Variants in DUSP29 observed in about 807,000 individuals in gnomAD.
DUSP29 encodes the protein dual specificity phosphatase 29, also known as atypical dual-specific protein phosphatase.
A neutral mutation model predicts 13.5 loss-of-function variants in DUSP29; 12 were observed. That is an observed-to-expected ratio of 0.89 (90% CI 0.57 to 1.44). DUSP29 has a LOEUF of 1.44. Ranked by LOEUF, DUSP29 falls within the 40% of genes most tolerant of loss-of-function variation. DUSP29 has a pLI of 0.00. For missense variants in DUSP29, 308 were observed against 301.1 expected (o/e 1.02, Z -0.17); for synonymous variants, 134 against 128.7 (o/e 1.04, Z -0.28).
chr10:75,043,949 CCGTGGGCCGCGTTCAGCACGTG>C lies in DUSP29; in HGVS notation c.247_268del (p.His83AlafsTer47). ...GGGCCCAGTGTCCACGTTCCAGCGG[CCGTGGGCCGCGTTCAGCACGTG>C]CGTGAACCCCGCCTTCTGCAGCCTA... is the stretch of plus-strand genomic sequence containing the variant. On this transcript the variant is annotated frameshift_variant, in exon 3 of 4. Coordinates refer to ENST00000338487, the MANE Select transcript of DUSP29 (RefSeq NM_001003892.3). LOFTEE classifies it high-confidence loss of function. 1 of 1,613,572 alleles carries C rather than the reference CCGTGGGCCGCGTTCAGCACGTG, an allele frequency of 6.2e-7. No homozygotes were observed.
chr10:75,046,845 T>A (rs1158763822), intron 2 of DUSP29, among the ~76,000 whole-genome samples: 1 of 152,238 alleles, frequency 6.6e-6, no homozygotes, highest in African/African-American at 2.4e-5. Flanking sequence ...TCTTGCTGAG[T>A]AGCAATCAAC....
At chr10:75,058,195 T>A (rs1847004587) in intron 2 of DUSP29, 120 bp downstream of exon 2, 2 of 1,206,568 alleles carry the variant, frequency 1.7e-6, no homozygotes, top group Admixed American at 2.6e-5. Flanking sequence ...CAGCCCTAAC[T>A]AATTGAGTTC....
chr10:75,043,408 G>A (rs1846626893), intron 3 of DUSP29, among the ~76,000 whole-genome samples: 1 of 152,238 alleles, frequency 6.6e-6, no homozygotes, highest in Non-Finnish European at 1.5e-5. Context: ...TTTGAAGGAT[G>A]GCAAATGTTC....
intron 2 of DUSP29, among the ~76,000 whole-genome samples, chr10:75,045,800 C>A (rs2134284795): frequency 6.6e-6 from 1 of 152,292 alleles, no homozygotes; most frequent in Middle Eastern, 3.4e-3. Context: ...AAGAAGTAAG[C>A]ATTGTTTACT....
chr10:75,070,518 G>A (rs1027479444), intron 1 of DUSP29, among the ~76,000 whole-genome samples: 15 of 152,200 alleles, frequency 9.9e-5, no homozygotes, highest in African/African-American at 3.6e-4. Flanking sequence ...GATAATGTAA[G>A]CCCTTGGCAC....
chr10:75,047,871 TTCTC>T (rs1002926193), intron 2 of DUSP29, among the ~76,000 whole-genome samples: 4 of 152,266 alleles, frequency 2.6e-5, no homozygotes, highest in Non-Finnish European at 5.9e-5. Flanking sequence ...CTCCCATTGT[TTCTC>T]TATGCATAGA....
intron 2 of DUSP29, among the ~76,000 whole-genome samples, chr10:75,048,216 C>T (rs188008648): frequency 6.6e-6 from 1 of 152,140 alleles, no homozygotes; most frequent in East Asian, 1.9e-4. Context: ...AAATTGCAGT[C>T]CGTATTCTTT....
intron 1 of DUSP29, among the ~76,000 whole-genome samples, chr10:75,060,212 G>T (rs956844970): frequency 2.0e-5 from 3 of 152,268 alleles, no homozygotes; most frequent in Non-Finnish European, 4.4e-5. Flanking sequence ...GCTTATGCCT[G>T]TAATCCCAGC....
chr10:75,065,876 A>T (rs55850531), intron 1 of DUSP29, among the ~76,000 whole-genome samples: 11,119 of 146,420 alleles, frequency 0.076, 530 homozygotes, highest in South Asian at 0.26. Context: ...TATTATTATC[A>T]TTTATTTTAT....
At chr10:75,071,780 T>C (rs1847332904) in intron 1 of DUSP29, among the ~76,000 whole-genome samples, 1 of 152,186 alleles carries the variant, frequency 6.6e-6, no homozygotes, top group East Asian at 1.9e-4. Context: ...CGCACCCAAA[T>C]GTTATATTTT....
chr10:75,061,544 A>G (rs1271807527), intron 1 of DUSP29, among the ~76,000 whole-genome samples: 24 of 152,176 alleles, frequency 1.6e-4, no homozygotes, highest in Non-Finnish European at 1.5e-5. Context: ...CTGTATCTCA[A>G]TGAGCTCCGA....
Position 75,069,167 on chromosome 10 carries a change from T to C in DUSP29, c.-35+4402A>G, listed in dbSNP as rs572343107. 2.0e-4 allele frequency among the ~76,000 whole-genome samples: 30 copies of C among 152,372 alleles called. No homozygotes were observed. The South Asian group carries it at 6.0e-3, about 30-fold the overall frequency. ...TCAAAGCGCTTGGGGTTGTAATTTA[T>C]GAACTTCTAATTGATTTCCCCAATC... is the stretch of plus-strand genomic sequence containing the variant. On this transcript the variant is annotated intron_variant, in intron 1 of 3. Coordinates refer to ENST00000338487, the MANE Select transcript of DUSP29 (RefSeq NM_001003892.3).
At chr10:75,062,449 C>A (rs186406433) in intron 1 of DUSP29, among the ~76,000 whole-genome samples, 90 of 152,324 alleles carry the variant, frequency 5.9e-4, no homozygotes, top group Non-Finnish European at 1.1e-3. Context: ...GTGGAGGGAA[C>A]CATCCCCGTC....
At position 75,058,522 on chromosome 10, in the gene DUSP29, C is replaced by G. The variant is rs766257440; in HGVS notation, c.-8G>C. 1.2e-6 allele frequency: 2 copies of G among 1,613,830 alleles called. No individual in the cohort carries two copies. The highest frequency in any genetic ancestry group is 1.1e-5 in the South Asian group (1 of 91,068). On this transcript the variant is annotated 5_prime_UTR_variant, in exon 2 of 4. Transcript: ENST00000338487. ...CACTTCTCCAGATGTCATTTTAGAG[C>G]CAAGGGATTTTCTCTCCTTTCTGCA... is the stretch of plus-strand genomic sequence containing the variant.
intron 2 of DUSP29, among the ~76,000 whole-genome samples, chr10:75,055,428 T>TA (rs548710753): frequency 2.6e-5 from 4 of 152,166 alleles, no homozygotes; most frequent in Non-Finnish European, 4.4e-5. Flanking sequence ...AGGAATCAAA[T>TA]ACTGATACAA....
At position 75,043,857 on chromosome 10, in the gene DUSP29, G is replaced by C. The variant is rs1021479083; in HGVS notation, c.361C>G (p.Leu121Val). ...GCCGCCGGGTAGAAGAAGACACTGA[G>C]GTCGAAGGTGGGCAGGTCGTCGGCC... is the stretch of plus-strand genomic sequence containing the variant. The part of the protein sequence containing the change: ...VEADDLPTFD[L>V]SVFFYPAAAF... Residue 121 changes from leucine (L) to valine (V), a missense_variant, in exon 3 of 4, where the codon CTC becomes GTC. Physicochemically the swap from Leu to Val is conservative, Grantham distance 32. Coordinates refer to ENST00000338487, the MANE Select transcript of DUSP29 (RefSeq NM_001003892.3). The C allele has an allele frequency of 1.9e-6, 3 of 1,613,904 alleles. No individual in the cohort carries two copies. The highest frequency in any genetic ancestry group is 2.5e-6 in the Non-Finnish European group (3 of 1,179,940).
chr10:75,059,620 G>A (rs1476453089), intron 1 of DUSP29, among the ~76,000 whole-genome samples: 1 of 152,060 alleles, frequency 6.6e-6, no homozygotes, highest in African/African-American at 2.4e-5. Flanking sequence ...CATGAATTGA[G>A]GCTGTCTGTA....
In DUSP29 at chr10:75,070,267, C is replaced by T. The variant is rs1396583549; in HGVS notation, c.-35+3302G>A. On this transcript the variant is annotated intron_variant, in intron 1 of 3. Coordinates refer to ENST00000338487, the MANE Select transcript of DUSP29 (RefSeq NM_001003892.3). ...TGCAAATAGGACTCAACCCAACAGC[C>T]CCACATCCCAACCCACCACAATAGA... Among the ~76,000 whole-genome samples the T allele has an allele frequency of 3.3e-5, 5 of 152,196 alleles. No individual in the cohort carries two copies. The South Asian group carries it at 8.3e-4, about 25-fold the overall frequency.
At chr10:75,048,274 T>C (rs1846745223) in intron 2 of DUSP29, among the ~76,000 whole-genome samples, 2 of 152,324 alleles carry the variant, frequency 1.3e-5, no homozygotes, top group East Asian at 1.9e-4. Flanking sequence ...TTTTCACTGA[T>C]TCATTTTAGC....
Sources: gnomAD v4.1 joint callset for allele counts (sites outside exome capture counted in the v4.1 genomes callset) on GRCh38, gnomAD v4.1.1 for gene constraint, MANE v1.5 for transcripts, NCBI Gene and HGNC (gene_info 2026-07-23, HGNC 2026-07-21) for gene names.